The following USP34 variants were observed in gnomAD, a reference collection of about 807,000 sequenced individuals.
USP34 encodes ubiquitin carboxyl-terminal hydrolase 34.
A neutral mutation model predicts 460.3 loss-of-function variants in USP34; 70 were observed. The ratio of observed to expected loss-of-function variants is 0.15; its 90% CI spans 0.13 to 0.19. The LOEUF (loss-of-function observed/expected upper bound fraction) is 0.19. USP34 is among the 10% of genes least tolerant of loss of function. The probability of loss-of-function intolerance (pLI) is 1.00; values close to 1 mark genes in which losing one functional copy is unlikely to be tolerated. For missense variants in USP34, 3,985 were observed against 4,236.2 expected, an observed-to-expected ratio of 0.94 and a Z score of 1.65; for synonymous variants, 1,647 against 1,405.3, an observed-to-expected ratio of 1.17 and a Z score of -3.85.
At chr2:61,334,989 C>T (rs753836493) in intron 18 of USP34, among the ~76,000 whole-genome samples, 14 of 152,000 alleles carry the variant, frequency 9.2e-5, no homozygotes, top group Non-Finnish European at 2.1e-4. Flanking sequence ...AACAAAGACA[C>T]ACATTTTAAG....
chr2:61,373,382 G>A (rs1692690967), intron 8 of USP34, among the ~76,000 whole-genome samples: 2 of 148,584 alleles, frequency 1.3e-5, no homozygotes, highest in Non-Finnish European at 3.0e-5. Flanking sequence ...TTTTTTTAAA[G>A]ATCCAACTAT....
Position 61,433,388 on chromosome 2 carries a change from C to A in USP34, c.44-12555G>T, listed in dbSNP as rs567688046. Among the ~76,000 whole-genome samples the A allele has an allele frequency of 3.9e-5, 6 of 152,318 alleles. No homozygotes were observed. In the South Asian group the frequency reaches 1.2e-3, roughly 32 times the overall value. ...GTGGCTCATGCCTGTAATCCCAGCA[C>A]TTTGAGGAGCTGAGGCAGGCGGATC... On this transcript the variant is annotated intron_variant, in intron 1 of 79. Transcript: ENST00000398571.
chr2:61,247,492 G>T (rs1307253343), intron 49 of USP34, among the ~76,000 whole-genome samples: 2 of 152,072 alleles, frequency 1.3e-5, no homozygotes, highest in African/African-American at 2.4e-5. Flanking sequence ...ATATAATGAA[G>T]CACAGCTGTG....
In USP34 at chr2:61,413,430, G is replaced by A. The variant is rs531171869; in HGVS notation, c.132-7302C>T. Among the ~76,000 whole-genome samples the A allele has an allele frequency of 1.2e-3, 186 of 149,114 alleles. 1 individual carries two copies. The highest frequency in any genetic ancestry group is 4.3e-3 in the African/African-American group (173 of 40,288). On this transcript the variant is annotated intron_variant, in intron 2 of 79. Transcript: ENST00000398571. ...AAAAAATAAAAAAACAAAAGAGGCCGAGTGAGTGGCTCACGCCTGTAATCC... is the reference window on the plus strand; with the variant it reads ...AAAAAATAAAAAAACAAAAGAGGCCAAGTGAGTGGCTCACGCCTGTAATCC...
intron 27 of USP34, among the ~76,000 whole-genome samples, chr2:61,309,252 A>T (rs1034286923): frequency 6.6e-6 from 1 of 152,198 alleles, no homozygotes; most frequent in African/African-American, 2.4e-5. Context: ...AAGGAATAAA[A>T]AACATTCCTC....
chr2:61,348,155 G>C lies in USP34; in HGVS notation c.2000C>G (p.Thr667Arg). 1 of 1,614,178 alleles carries C rather than the reference G, an allele frequency of 6.2e-7. No individual in the cohort carries two copies. The highest frequency in any genetic ancestry group is 1.1e-5 in the South Asian group (1 of 91,078). The change falls in exon 15 of 80, where the codon ACA becomes AGA. Residue 667 changes from threonine to arginine, a missense_variant. Around this residue, in one of 14 missense-constraint regions of USP34, gnomAD observed 716 missense variants for 626.2 expected, o/e 1.14. Coordinates refer to ENST00000398571, the MANE Select transcript of USP34 (RefSeq NM_014709.4). ...CAGGTCCTTTCCTGTTCCGCTGCTT[G>C]TCCCATTTCTTTCTGACATGCCTTG... ...DSQGMSERNG[T>R]SSGTGKDLVF... is the part of the protein sequence containing the mutation.
At chr2:61,247,073 G>C (rs1275664407) in intron 49 of USP34, among the ~76,000 whole-genome samples, 2 of 151,864 alleles carry the variant, frequency 1.3e-5, no homozygotes, top group Non-Finnish European at 2.9e-5. Context: ...GATTTGTGTA[G>C]ACAGAAACAA....
intron 34 of USP34, among the ~76,000 whole-genome samples, 175 bp from the exon 35 acceptor site, chr2:61,285,132 A>G (rs1224948541): frequency 6.6e-6 from 1 of 152,134 alleles, no homozygotes. Flanking sequence ...AATTCTTTGA[A>G]AATACTGTAA....
At chr2:61,364,274 G>A (rs1216929860) in intron 10 of USP34, among the ~76,000 whole-genome samples, 3 of 152,282 alleles carry the variant, frequency 2.0e-5, no homozygotes, top group East Asian at 1.9e-4. Context: ...AGGCCAGAGG[G>A]TCACTTGAGC....
At chr2:61,221,737 C>G (rs1307281337) in intron 65 of USP34, 131 bp from the exon 66 acceptor site, 1 of 762,566 alleles carries the variant, frequency 1.3e-6, no homozygotes, top group Non-Finnish European at 1.9e-6. Flanking sequence ...GCCAGTACTT[C>G]TGCATGTGAA....
chr2:61,255,821 A>G (rs1688710050), intron 48 of USP34, among the ~76,000 whole-genome samples: 1 of 152,190 alleles, frequency 6.6e-6, no homozygotes, highest in South Asian at 2.1e-4. Flanking sequence ...TAGCTCTCTT[A>G]TTACATGGGC....
chr2:61,286,224 AG>A (rs1689685051), intron 34 of USP34, among the ~76,000 whole-genome samples: 1 of 152,236 alleles, frequency 6.6e-6, no homozygotes, highest in Non-Finnish European at 1.5e-5. Context: ...TATCAACATT[AG>A]ATGACTCTGT....
At chr2:61,399,913 A>G (rs911321236) in intron 3 of USP34, among the ~76,000 whole-genome samples, 1 of 143,474 alleles carries the variant, frequency 7.0e-6, no homozygotes, top group African/African-American at 2.5e-5. Flanking sequence ...AGTATTTTTC[A>G]AAAGTTCTTA....
chr2:61,338,828 T>C (rs761915597), intron 18 of USP34, among the ~76,000 whole-genome samples: 1 of 152,180 alleles, frequency 6.6e-6, no homozygotes, highest in Non-Finnish European at 1.5e-5. Context: ...AAAAAGACTT[T>C]TGAGGTATGA....
chr2:61,410,787 T>C (rs1694013559), intron 2 of USP34, among the ~76,000 whole-genome samples: 1 of 151,898 alleles, frequency 6.6e-6, no homozygotes, highest in Admixed American at 6.6e-5. Context: ...AAGGGAAAAA[T>C]AGTAAGTAAT....
Position 61,205,941 on chromosome 2 carries a change from C to T in USP34, c.9154+76G>A. On this transcript the variant is annotated intron_variant, in intron 72 of 79. Transcript: ENST00000398571. ...ACAAGTATCTTTCAAACACTACAGG[C>T]TTAACATCACGGAAAAACTCACAAC... is the stretch of plus-strand genomic sequence containing the variant. The T allele has an allele frequency of 2.6e-6, 3 of 1,135,112 alleles. 1 individual carries two copies. In the South Asian group the frequency reaches 3.9e-5, roughly 15 times the overall value. The allele number at this position is 1,135,112 out of a possible 1,614,324, so 70.3% of individuals were successfully genotyped here. A position where few individuals can be genotyped will look rare whatever the true frequency, so the allele number is the denominator to read the frequency against.
intron 3 of USP34, among the ~76,000 whole-genome samples, chr2:61,400,251 A>G (rs1693674018): frequency 6.6e-6 from 1 of 151,964 alleles, no homozygotes; most frequent in Admixed American, 6.6e-5. Context: ...CTGGGACTAC[A>G]GGCACCCGCC....
chr2:61,210,083 T>C (rs978802391), intron 69 of USP34, among the ~76,000 whole-genome samples: 2 of 152,136 alleles, frequency 1.3e-5, no homozygotes, highest in African/African-American at 4.8e-5. Flanking sequence ...ACTTATAAAG[T>C]AAAAAAAGTT....
chr2:61,236,681 G>A (rs1299328026), intron 53 of USP34, among the ~76,000 whole-genome samples: 1 of 152,156 alleles, frequency 6.6e-6, no homozygotes, highest in East Asian at 1.9e-4. Flanking sequence ...GTATATAATT[G>A]AATGAAATAT....
Sources: gnomAD v4.1 joint callset for allele counts (sites outside exome capture counted in the v4.1 genomes callset) on GRCh38, gnomAD v4.1.1 for gene constraint, gnomAD v4.1.1 regional missense constraint, MANE v1.5 for transcripts, NCBI Gene and HGNC (gene_info 2026-07-23, HGNC 2026-07-21) for gene names.